LTBP2: variants seen among roughly 807,000 people sequenced by gnomAD.
LTBP2 encodes the protein latent-transforming growth factor beta-binding protein 2.
Under a neutral mutation model 210.6 loss-of-function variants are expected in LTBP2, and 103 were observed. The observed-to-expected ratio is 0.49, with a 90% confidence interval of 0.42 to 0.58. The LOEUF is 0.58. Ranked by LOEUF, LTBP2 falls within the 20% of genes least tolerant of loss-of-function variation. The pLI is 0.00. For synonymous variants in LTBP2, 1,007 were observed against 1,015.0 expected, an observed-to-expected ratio of 0.99 and a Z score of 0.15; for missense variants, 2,313 against 2,494.5, an observed-to-expected ratio of 0.93 and a Z score of 1.55.
intron 6 of LTBP2, among the ~76,000 whole-genome samples, chr14:74,551,609 A>G (rs1259925517): frequency 6.6e-6 from 1 of 151,944 alleles, no homozygotes; most frequent in Non-Finnish European, 1.5e-5. Context: ...CTCCCCCATG[A>G]CCCTGGCCAA....
chr14:74,592,363 T>G (rs1490363773), intron 2 of LTBP2, among the ~76,000 whole-genome samples: 1 of 152,166 alleles, frequency 6.6e-6, no homozygotes, highest in African/African-American at 2.4e-5. Flanking sequence ...GCCTCCAATT[T>G]TTCCTCAATA....
chr14:74,508,852 C>T lies in LTBP2; in HGVS notation c.3504G>A (p.Leu1168=). ...CACCCTCACACACGGTGCCATTGGCCAGCTGGAAGCCCTGGGGACAGAGGC... is the reference window on the plus strand; with the variant it reads ...CACCCTCACACACGGTGCCATTGGCTAGCTGGAAGCCCTGGGGACAGAGGC... ...YQCLCPQGFQ[L]ANGTVCEDVN... Residue 1168 remains leucine (L), a synonymous_variant, in exon 23 of 36, where the codon CTG becomes CTA. Transcript: ENST00000261978. The T allele has an allele frequency of 6.2e-7, 1 of 1,613,726 alleles. No individual in the cohort carries two copies. The highest frequency in any genetic ancestry group is 8.5e-7 in the Non-Finnish European group (1 of 1,179,942).
intron 8 of LTBP2, among the ~76,000 whole-genome samples, chr14:74,536,877 A>G (rs2139728366): frequency 6.6e-6 from 1 of 152,324 alleles, no homozygotes; most frequent in South Asian, 2.1e-4. Flanking sequence ...GTGCACCACA[A>G]ATATATACAA....
chr14:74,506,313 T>C (rs2086984224), intron 27 of LTBP2, 122 bp from the exon 28 acceptor site: 1 of 1,320,722 alleles, frequency 7.6e-7, no homozygotes, highest in African/African-American at 1.5e-5. Context: ...CAAGAGTAAG[T>C]ATAGATTTGT....
intron 3 of LTBP2, among the ~76,000 whole-genome samples, chr14:74,568,323 G>T (rs974709849): frequency 6.6e-6 from 1 of 152,166 alleles, no homozygotes; most frequent in African/African-American, 2.4e-5. Flanking sequence ...GAGGAGAGGG[G>T]CAGAAGCCAG....
At position 74,564,345 on chromosome 14, in the gene LTBP2, TTATATATATTTATATATATATTTA is replaced by T. The variant is rs1410187283; in HGVS notation, c.831-8676_831-8653del. 7.3e-4 allele frequency among the ~76,000 whole-genome samples: 4 copies of T among 5,514 alleles called. 1 individual carries two copies. The highest frequency in any genetic ancestry group is 8.1e-4 in the Non-Finnish European group (3 of 3,716). 3.6% of individuals were successfully genotyped at this position (5,514 alleles called of 152,430 possible). On this transcript the variant is annotated intron_variant, in intron 3 of 35. Transcript: ENST00000261978. ...TATATATATATTTATATATATATAT[TTATATATATTTATATATATATTTA>T]TATATATATATTTATATTTTATATA...
At chr14:74,575,566 G>A (rs553500250) in intron 3 of LTBP2, among the ~76,000 whole-genome samples, 12 of 152,294 alleles carry the variant, frequency 7.9e-5, no homozygotes, top group East Asian at 1.9e-4. Context: ...AACAGCAGGC[G>A]TCCCTCCCCT....
At chr14:74,514,727 T>G (rs1377878127) in intron 18 of LTBP2, among the ~76,000 whole-genome samples, 2 of 152,146 alleles carry the variant, frequency 1.3e-5, no homozygotes, top group Non-Finnish European at 2.9e-5. Context: ...GACGGGCCTC[T>G]GTCCAGACCA....
In LTBP2 at chr14:74,551,117, G is replaced by A. The variant is rs1452568589; in HGVS notation, c.1633C>T (p.Pro545Ser). ...EPPRPLPPAAPRPRGLLGRCY... is the reference protein window; with the variant it reads ...EPPRPLPPAASRPRGLLGRCY... ...CGGCCCAGCAGTCCTCGAGGCCTGGGTGCTGCTGGGGGCAGTGGCCGAGGG... is the reference window on the plus strand; with the variant it reads ...CGGCCCAGCAGTCCTCGAGGCCTGGATGCTGCTGGGGGCAGTGGCCGAGGG... The change falls in exon 7 of 36, where the codon CCC becomes TCC. Residue 545 changes from proline to serine, a missense_variant. This residue lies in a region of LTBP2 where 1,867 missense variants were observed against 1,976.9 expected (regional missense o/e 0.94). Transcript: ENST00000261978. The A allele has an allele frequency of 6.2e-7, 1 of 1,613,788 alleles. No individual in the cohort carries two copies. The highest frequency in any genetic ancestry group is 2.2e-5 in the East Asian group (1 of 44,900).
chr14:74,506,672 C>T (rs747785653), intron 27 of LTBP2, 26 bp downstream of exon 27: 2 of 1,611,986 alleles, frequency 1.2e-6, no homozygotes, highest in Non-Finnish European at 1.7e-6. Flanking sequence ...CTGGCCCAGA[C>T]CTTGGGTAGC....
Position 74,521,967 on chromosome 14 carries a change from C to G in LTBP2, c.2732G>C (p.Cys911Ser). 4 of 1,614,200 alleles carry G rather than the reference C, an allele frequency of 2.5e-6. No homozygotes were observed. Among genetic ancestry groups the G allele is most frequent in the Non-Finnish European group, 2.5e-6 (3 of 1,180,020 alleles). Residue 911 changes from cysteine to serine, a missense_variant, in exon 17 of 36, where the codon TGC becomes TCC. This residue lies in a region of LTBP2 where 1,867 missense variants were observed against 1,976.9 expected (regional missense o/e 0.94). Transcript: ENST00000261978. ...CAGAGTGTAGCCAGGGTAGCAGAAG[C>G]AGGAGTAGGACCCCACGCGGTTGAT... is the stretch of plus-strand genomic sequence containing the variant. Reference protein sequence around the residue: ...RCINRVGSYSCFCYPGYTLAT... With the variant: ...RCINRVGSYSSFCYPGYTLAT...
intron 2 of LTBP2, among the ~76,000 whole-genome samples, chr14:74,595,818 G>A (rs527931247): frequency 2.0e-5 from 3 of 152,318 alleles, no homozygotes; most frequent in Non-Finnish European, 2.9e-5. Flanking sequence ...TCAAACGCAC[G>A]ATTTGCCAGG....
intron 1 of LTBP2, among the ~76,000 whole-genome samples, chr14:74,604,338 G>A (rs1215258968): frequency 2.0e-5 from 3 of 152,116 alleles, no homozygotes; most frequent in Non-Finnish European, 4.4e-5. Context: ...GCAGTCTGGT[G>A]CGTGGGAAGG....
intron 12 of LTBP2, 26 bp from the exon 13 acceptor site, chr14:74,527,392 G>C: frequency 1.9e-6 from 3 of 1,605,832 alleles, no homozygotes; most frequent in Middle Eastern, 1.7e-4. Context: ...AACAGCGTGA[G>C]CTCAGGGAGG....
intron 13 of LTBP2, 42 bp from the exon 14 acceptor site, chr14:74,526,156 GTACCTGT>G: frequency 6.4e-7 from 1 of 1,571,394 alleles, no homozygotes; most frequent in Admixed American, 1.8e-5. Flanking sequence ...CTCCTCTGCC[GTACCTGT>G]GATGTGCCAC....
Position 74,507,311 on chromosome 14 carries a change from C to G in LTBP2, c.3776-1G>C, listed in dbSNP as rs1454530658. 1 of 1,613,892 alleles carries G rather than the reference C, an allele frequency of 6.2e-7. No homozygotes were observed. Among genetic ancestry groups the G allele is most frequent in the African/African-American group, 1.3e-5 (1 of 74,922 alleles). ...CCATAGTCCTCACACTCGTCAATAT[C>G]TGTCCCCAGAGCCATGCCATGAGAG... On this transcript the variant is annotated splice_acceptor_variant, in intron 25 of 35. Coordinates refer to ENST00000261978, the MANE Select transcript of LTBP2 (RefSeq NM_000428.3). LOFTEE classifies it high-confidence loss of function.
At chr14:74,515,759 G>C (rs2087126346) in intron 18 of LTBP2, among the ~76,000 whole-genome samples, 1 of 152,156 alleles carries the variant, frequency 6.6e-6, no homozygotes, top group South Asian at 2.1e-4. Context: ...TTCTCCTGAA[G>C]ATGCCAGGCT....
chr14:74,562,727 C>T (rs2087811056), intron 3 of LTBP2, among the ~76,000 whole-genome samples: 1 of 152,118 alleles, frequency 6.6e-6, no homozygotes, highest in African/African-American at 2.4e-5. Context: ...ATTTTTTAAT[C>T]CATCAGATTA....
chr14:74,502,613 T>C (rs1205107834), intron 34 of LTBP2, 40 bp downstream of exon 34: 1 of 1,613,940 alleles, frequency 6.2e-7, no homozygotes, highest in Non-Finnish European at 8.5e-7. Context: ...TGAAACAGCT[T>C]TGGTGCCCAC....
Sources: allele counts gnomAD v4.1 joint callset (sites outside exome capture counted in the v4.1 genomes callset), GRCh38; gene constraint gnomAD v4.1.1; regional missense constraint gnomAD v4.1.1; transcripts MANE v1.5; gene names NCBI Gene and HGNC (gene_info 2026-07-23, HGNC 2026-07-21).